CSGALNACT1: variants seen among roughly 807,000 people sequenced by gnomAD.
CSGALNACT1 encodes the protein beta4GalNAcT-1.
CSGALNACT1 carries 52 observed loss-of-function variants against 51.0 expected under a neutral mutation model. The ratio of observed to expected loss-of-function variants is 1.02; its 90% confidence interval spans 0.82 to 1.29. The LOEUF (loss-of-function observed/expected upper bound fraction) is 1.29. CSGALNACT1 is among the 50% of genes most tolerant of loss of function. CSGALNACT1 has a pLI of 0.00. For missense variants in CSGALNACT1, 935 were observed against 679.2 expected (o/e 1.38, Z -4.19); for synonymous variants, 341 against 254.4 (o/e 1.34, Z -3.24).
intron 1 of CSGALNACT1, among the ~76,000 whole-genome samples, chr8:19,747,316 T>A (rs1563211944): frequency 6.6e-6 from 1 of 152,004 alleles, no homozygotes; most frequent in Non-Finnish European, 1.5e-5. Context: ...AACGTGAAGA[T>A]ACTGGTTCTA....
At chr8:19,432,340 T>C (rs73585523) in intron 6 of CSGALNACT1, among the ~76,000 whole-genome samples, 113 of 152,324 alleles carry the variant, frequency 7.4e-4, no homozygotes, top group Middle Eastern at 3.4e-3. Context: ...CAAGGATCCA[T>C]TGTACTGGAT....
rs1268435034 is a variant in CSGALNACT1 at position 19,439,860 on chromosome 8, T to C, written c.923A>G (p.Glu308Gly). The C allele has an allele frequency of 3.7e-6, 6 of 1,613,992 alleles. No individual in the cohort carries two copies. Among genetic ancestry groups the C allele is most frequent in the Non-Finnish European group, 5.1e-6 (6 of 1,179,992 alleles). ...AGTGTTTTCAAGTATTCCTTTGACT[T>C]CATTTATTTCTTCTTTCCCAAAGTA... The change falls in exon 6 of 10, where the codon GAA (glutamate) becomes GGA (glycine). Residue 308 changes from glutamate to glycine, a missense_variant. Glu to Gly is a moderately conservative substitution (Grantham distance 98). Transcript: ENST00000454498.
Position 19,592,530 on chromosome 8 carries a change from T to C in CSGALNACT1, c.-415-1252A>G, listed in dbSNP as rs554236884. Among the ~76,000 whole-genome samples the C allele has an allele frequency of 2.6e-5, 4 of 152,302 alleles. No homozygotes were observed. The East Asian group carries it at 5.8e-4, about 22-fold the overall frequency. ...ATTCCAGGACTTCAAGGCAGGTGGA[T>C]CACTTGAGCCCAGGAGTTTGAGACC... On this transcript the variant is annotated intron_variant, in intron 2 of 9. Coordinates refer to ENST00000454498, the Ensembl canonical transcript of CSGALNACT1.
intron 1 of CSGALNACT1, among the ~76,000 whole-genome samples, chr8:19,726,738 A>T (rs1424802076): frequency 1.3e-5 from 2 of 152,252 alleles, no homozygotes; most frequent in African/African-American, 4.8e-5. Context: ...AAGACAATGG[A>T]AGGAAAACAT....
At chr8:19,507,528 G>GAAAAAAAAAAAA (rs35759799) in intron 3 of CSGALNACT1, among the ~76,000 whole-genome samples, 19 of 74,878 alleles carry the variant, frequency 2.5e-4, no homozygotes, top group African/African-American at 1.1e-3. Context: ...ATCTTAGCCA[G>GAAAAAAAAAAAA]AAAAAAAAAA....
chr8:19,755,372 G>C (rs903376919), intron 1 of CSGALNACT1, among the ~76,000 whole-genome samples: 13 of 143,628 alleles, frequency 9.1e-5, no homozygotes, highest in Admixed American at 3.0e-4. Context: ...TAGAAAGTAG[G>C]GTTACAAAGA....
At chr8:19,715,701 T>C (rs545215791) in intron 1 of CSGALNACT1, among the ~76,000 whole-genome samples, 1 of 152,322 alleles carries the variant, frequency 6.6e-6, no homozygotes, top group African/African-American at 2.4e-5. Context: ...GGTAAATACA[T>C]TTTAATGCCT....
chr8:19,485,759 CTTTT>C (rs386412239), intron 4 of CSGALNACT1, among the ~76,000 whole-genome samples: 10 of 38,538 alleles, frequency 2.6e-4, no homozygotes, highest in East Asian at 1.8e-3. Flanking sequence ...CCTCAGCTTG[CTTTT>C]TTTTTTTTTT....
chr8:19,594,557 T>A (rs1012501740), intron 2 of CSGALNACT1, among the ~76,000 whole-genome samples: 1 of 152,132 alleles, frequency 6.6e-6, no homozygotes, highest in Non-Finnish European at 1.5e-5. Flanking sequence ...ACCGTCTTCA[T>A]TCCAACTTTA....
chr8:19,670,994 C>A (rs2059758041), intron 1 of CSGALNACT1, among the ~76,000 whole-genome samples: 1 of 152,134 alleles, frequency 6.6e-6, no homozygotes, highest in African/African-American at 2.4e-5. Flanking sequence ...AAAACTCAAA[C>A]TGACATTAGA....
chr8:19,722,536 C>T (rs2063181056), intron 1 of CSGALNACT1, among the ~76,000 whole-genome samples: 2 of 152,162 alleles, frequency 1.3e-5, no homozygotes, highest in Non-Finnish European at 2.9e-5. Context: ...CAAAAGTCAA[C>T]ACCATTTGCA....
At chr8:19,747,374 T>C (rs532003685) in intron 1 of CSGALNACT1, among the ~76,000 whole-genome samples, 2 of 152,132 alleles carry the variant, frequency 1.3e-5, no homozygotes, top group African/African-American at 4.8e-5. Flanking sequence ...TTATCCACAC[T>C]AATAATGCCC....
At chr8:19,541,978 G>C (rs2085290067) in intron 3 of CSGALNACT1, among the ~76,000 whole-genome samples, 1 of 152,046 alleles carries the variant, frequency 6.6e-6, no homozygotes, top group Admixed American at 6.5e-5. Context: ...CCAAATACTG[G>C]AATGGAGGCA....
Position 19,677,393 on chromosome 8 carries a change from G to A in CSGALNACT1, c.-544+5080C>T, listed in dbSNP as rs530738590. ...CCCAAAGTGCTGGGATTACAGGTGTGAGCCACCATGCCCAGCCGCGAGTAC... is the reference window on the plus strand; with the variant it reads ...CCCAAAGTGCTGGGATTACAGGTGTAAGCCACCATGCCCAGCCGCGAGTAC... On this transcript the variant is annotated intron_variant, in intron 1 of 9. Coordinates refer to the CSGALNACT1 transcript ENST00000332246. Among the ~76,000 whole-genome samples, 8 of 152,314 alleles carry A rather than the reference G, an allele frequency of 5.3e-5. No homozygotes were observed. In the East Asian group the frequency reaches 1.2e-3, roughly 22 times the overall value.
At chr8:19,467,183 G>A (rs926366185) in intron 4 of CSGALNACT1, among the ~76,000 whole-genome samples, 3 of 132,172 alleles carry the variant, frequency 2.3e-5, no homozygotes, top group East Asian at 2.4e-4. Context: ...GCAGTGGTGC[G>A]ATCTCGGCTC....
intron 3 of CSGALNACT1, among the ~76,000 whole-genome samples, chr8:19,563,934 C>T (rs2041357683): frequency 6.6e-6 from 1 of 152,204 alleles, no homozygotes; most frequent in South Asian, 2.1e-4. Flanking sequence ...CACGCACACT[C>T]ACACACCACG....
rs114857112 is a variant in CSGALNACT1, at chr8:19,464,045, G to A, written c.635-5403C>T. 3.5e-3 allele frequency among the ~76,000 whole-genome samples: 526 copies of A among 152,332 alleles called. 3 individuals are homozygous for A. Among genetic ancestry groups the A allele is most frequent in the African/African-American group, 0.012 (505 of 41,566 alleles). ...TCAGATTCCCCGCCCCCACTGACAT[G>A]CGTGCAGACGGGTTGTGACAGATGT... On this transcript the variant is annotated intron_variant, in intron 4 of 9. Transcript: ENST00000454498.
At chr8:19,610,552 C>A (rs1383896526) in intron 1 of CSGALNACT1, among the ~76,000 whole-genome samples, 1 of 152,040 alleles carries the variant, frequency 6.6e-6, no homozygotes, top group African/African-American at 2.4e-5. Context: ...AACACACAGG[C>A]GCTGGACAAC....
rs560952050 is a variant in CSGALNACT1 at position 19,681,767 on chromosome 8, A to C, written c.-544+706T>G. Among the ~76,000 whole-genome samples, 7 of 152,192 alleles carry C rather than the reference A, an allele frequency of 4.6e-5. No individual in the cohort carries two copies. In the South Asian group the frequency reaches 1.5e-3, roughly 32 times the overall value. ...CCCTGGGAATGCCAGGCTGGGCCAG[A>C]GTCTGGGCCCGTGCCCTGAGCACCA... is the stretch of plus-strand genomic sequence containing the variant. On this transcript the variant is annotated intron_variant, in intron 1 of 9. Transcript: ENST00000332246.
Sources: gnomAD v4.1 joint callset for allele counts (sites outside exome capture counted in the v4.1 genomes callset) on GRCh38, gnomAD v4.1.1 for gene constraint, MANE v1.5 for transcripts, NCBI Gene and HGNC (gene_info 2026-07-23, HGNC 2026-07-21) for gene names.